Variants in PARP9 observed in about 807,000 individuals in gnomAD.
The protein encoded by PARP9 is poly(ADP-ribose) polymerase family member 9.
In PARP9, 48 loss-of-function variants were observed where a neutral mutation model predicts 68.8. The ratio of observed to expected loss-of-function variants is 0.70; its 90% CI spans 0.55 to 0.89. The LOEUF is 0.89. Ranked by LOEUF, PARP9 falls within the 40% of genes least tolerant of loss-of-function variation. The pLI is 0.00. For synonymous variants in PARP9, 309 were observed against 333.8 expected (o/e 0.93, Z 0.81); for missense variants, 806 against 969.3 (o/e 0.83, Z 2.24).
At chr3:122,548,751 T>C (rs1235874256) in intron 6 of PARP9, among the ~76,000 whole-genome samples, 1 of 152,120 alleles carries the variant, frequency 6.6e-6, no homozygotes. Context: ...ACCCCAAATG[T>C]GTTAGACCAC....
At position 122,544,080 on chromosome 3, in the gene PARP9, G is replaced by A. The variant is rs79281084; in HGVS notation, c.1384+1352C>T. On this transcript the variant is annotated intron_variant, in intron 7 of 10. Transcript: ENST00000682323. The stretch of plus-strand genomic sequence containing the variant: ...TATCCTCACCTAAAACTCCTCTTAT[G>A]TACCCACCATGGATTCCCTGTGGTT... 6.3e-3 allele frequency among the ~76,000 whole-genome samples: 952 copies of A among 152,092 alleles called. 12 individuals carry two copies. Among genetic ancestry groups the A allele is most frequent in the African/African-American group, 0.022 (896 of 41,468 alleles).
chr3:122,528,285 C>A lies in PARP9; in HGVS notation c.*79G>T. On this transcript the variant is annotated 3_prime_UTR_variant, in exon 11 of 11. Coordinates refer to ENST00000682323, the MANE Select transcript of PARP9 (RefSeq NM_001146105.2). Reference sequence around the variant, plus strand: ...TAACCCATGGGATATATTCAAGCCACTCTTTGAGCCATCGATGGTCATTAT... The same window carrying A: ...TAACCCATGGGATATATTCAAGCCAATCTTTGAGCCATCGATGGTCATTAT... The A allele has an allele frequency of 6.5e-7, 1 of 1,529,878 alleles. No individual in the cohort carries two copies. 94.8% of individuals were successfully genotyped at this position (1,529,878 alleles called of 1,614,324 possible). A position where few individuals can be genotyped will look rare whatever the true frequency, so the allele number is the denominator to read the frequency against.
intron 4 of PARP9, among the ~76,000 whole-genome samples, chr3:122,553,508 G>A (rs2079386170): frequency 6.6e-6 from 1 of 152,126 alleles, no homozygotes; most frequent in African/African-American, 2.4e-5. Context: ...TGTTCCTAAC[G>A]TTGCTGGCAA....
At chr3:122,531,660 T>C (rs1463594093) in intron 10 of PARP9, 3 of 152,214 alleles carry the variant, frequency 2.0e-5, no homozygotes, top group Non-Finnish European at 4.4e-5. Flanking sequence ...TGTAATTATT[T>C]TTAATTCACA....
chr3:122,559,588 C>T lies in PARP9; in HGVS notation c.15+18G>A, dbSNP rs1324398962. 2 of 1,584,680 alleles carry T rather than the reference C, an allele frequency of 1.3e-6. No individual in the cohort carries two copies. Among genetic ancestry groups the T allele is most frequent in the Admixed American group, 1.8e-5 (1 of 56,472 alleles). ...TGCTGATCAAGGTTCATGACGTATACACATTTATGCTTTTTACCATGGAAA... is the reference window on the plus strand; with the variant it reads ...TGCTGATCAAGGTTCATGACGTATATACATTTATGCTTTTTACCATGGAAA... On this transcript the variant is annotated intron_variant, in intron 2 of 10. Coordinates refer to ENST00000682323, the MANE Select transcript of PARP9 (RefSeq NM_001146105.2).
rs2079287877 is a variant in PARP9, at chr3:122,552,483, C to T, written c.1042G>A (p.Gly348Arg). 1.2e-6 allele frequency: 2 copies of T among 1,614,038 alleles called. No individual in the cohort carries two copies. Among genetic ancestry groups the T allele is most frequent in the African/African-American group, 1.3e-5 (1 of 75,012 alleles). Residue 348 changes from glycine (G) to arginine (R), a missense_variant, in exon 5 of 11, where the codon GGA (glycine) becomes AGA (arginine). By Grantham distance (125) the Gly-to-Arg change is moderately radical. This residue lies in a region of PARP9 where 680 missense variants were observed against 858.8 expected (regional missense o/e 0.79). Coordinates refer to ENST00000682323, the MANE Select transcript of PARP9 (RefSeq NM_001146105.2). Reference protein sequence around the residue: ...QRSQLVLVTKGFNLFCKYIYH... With the variant: ...QRSQLVLVTKRFNLFCKYIYH... ...ATATATTTACAGAACAAGTTAAATCCTTTTGTGACCAGTACCAACTGGGAC... is the reference window on the plus strand; with the variant it reads ...ATATATTTACAGAACAAGTTAAATCTTTTTGTGACCAGTACCAACTGGGAC...
chr3:122,535,520 C>G (rs754275737), intron 10 of PARP9: 1 of 985,368 alleles, frequency 1.0e-6, no homozygotes, highest in South Asian at 4.7e-5. Context: ...TTCTTTTCCT[C>G]TTTTGGAGAG....
At chr3:122,537,132 T>C (rs1447689586) in intron 8 of PARP9, 59 bp from the exon 9 acceptor site, 2 of 1,494,810 alleles carry the variant, frequency 1.3e-6, no homozygotes, top group Admixed American at 2.1e-5. Context: ...GAAAAGAAAT[T>C]TAATGAAACA....
rs368442005 is a variant in PARP9 at position 122,556,059 on chromosome 3, T to G, written c.112A>C (p.Ile38Leu). 8.1e-5 allele frequency: 130 copies of G among 1,609,302 alleles called. No individual in the cohort carries two copies. The highest frequency in any genetic ancestry group is 8.0e-5 in the Non-Finnish European group (94 of 1,178,466). The change falls in exon 4 of 11, where the codon ATT becomes CTT. Residue 38 changes from isoleucine (I) to leucine (L), a missense_variant. Physicochemically the swap from Ile to Leu is conservative, Grantham distance 5. This residue lies in a region of PARP9 where 126 missense variants were observed against 110.5 expected (regional missense o/e 1.14). Coordinates refer to ENST00000682323, the MANE Select transcript of PARP9 (RefSeq NM_001146105.2). ...AGCTGACGCTCATTATTTTTTAAAA[T>G]TTTGAAGTCATTGTGGTTAATGGGA... Reference protein sequence around the residue: ...QIPINHNDFKILKNNERQLCE... With the variant: ...QIPINHNDFKLLKNNERQLCE...
intron 8 of PARP9, among the ~76,000 whole-genome samples, chr3:122,538,131 T>C (rs948612764): frequency 6.6e-6 from 1 of 152,194 alleles, no homozygotes; most frequent in Non-Finnish European, 1.5e-5. Flanking sequence ...CAAAACTCCA[T>C]AGCAGAGGAG....
intron 6 of PARP9, among the ~76,000 whole-genome samples, chr3:122,546,830 T>C (rs2078733997): frequency 1.3e-5 from 2 of 151,744 alleles, no homozygotes; most frequent in Non-Finnish European, 2.9e-5. Flanking sequence ...TGTAACTAGC[T>C]GTGTGCATAT....
intron 7 of PARP9, among the ~76,000 whole-genome samples, chr3:122,542,446 G>A (rs2078318662): frequency 6.6e-6 from 1 of 151,620 alleles, no homozygotes; most frequent in African/African-American, 2.4e-5. Context: ...TCGCTCTGTT[G>A]CCCAGGCTGG....
intron 2 of PARP9, 140 bp downstream of exon 2, chr3:122,559,466 A>G (rs1300766673): frequency 1.1e-5 from 8 of 700,922 alleles, no homozygotes; most frequent in African/African-American, 5.5e-5. Context: ...AGAAGGGAGA[A>G]AGGAGAAAAC....
At chr3:122,553,177 TG>T (rs1298938101) in intron 4 of PARP9, among the ~76,000 whole-genome samples, 1 of 152,200 alleles carries the variant, frequency 6.6e-6, no homozygotes, top group African/African-American at 2.4e-5. Context: ...GTCCCCTTCT[TG>T]GTCAGGTTCC....
At chr3:122,540,917 G>A in intron 7 of PARP9, 65 bp from the exon 8 acceptor site, 2 of 1,476,194 alleles carry the variant, frequency 1.4e-6, no homozygotes, top group Non-Finnish European at 1.8e-6. Context: ...TTGAGATGGA[G>A]TCTCGCTCTG....
chr3:122,548,297 A>G (rs1367250375), intron 6 of PARP9, among the ~76,000 whole-genome samples: 1 of 152,240 alleles, frequency 6.6e-6, no homozygotes, highest in Non-Finnish European at 1.5e-5. Flanking sequence ...AACCATGCAC[A>G]TAGAGCAGGC....
At chr3:122,534,264 C>T (rs2077489328) in intron 10 of PARP9, 13 of 943,178 alleles carry the variant, frequency 1.4e-5, no homozygotes, top group African/African-American at 3.6e-5. Flanking sequence ...AAACCACAAG[C>T]CTGGTTGCAA....
intron 8 of PARP9, among the ~76,000 whole-genome samples, chr3:122,538,745 C>T (rs752397764): frequency 1.1e-4 from 17 of 151,822 alleles, no homozygotes; most frequent in Admixed American, 9.8e-4. Flanking sequence ...TTCTTTGTAT[C>T]CTGTTCCCCT....
At chr3:122,564,505 G>T (rs1318216787), upstream of PARP9, 22 of 1,612,826 alleles carry the variant, frequency 1.4e-5, no homozygotes, top group Non-Finnish European at 1.8e-5. Context: ...AAGGAAGCTG[G>T]AGAGCTACTT....
Sources: gnomAD v4.1 joint callset for allele counts (sites outside exome capture counted in the v4.1 genomes callset) on GRCh38, gnomAD v4.1.1 for gene constraint, gnomAD v4.1.1 regional missense constraint, MANE v1.5 for transcripts, NCBI Gene and HGNC (gene_info 2026-07-23, HGNC 2026-07-21) for gene names.